Variants in B3GALNT2 observed in about 807,000 individuals in gnomAD.
B3GALNT2 encodes the protein beta-1,3-N-acetylgalactosaminyltransferase 2, also known as UDP-GalNAc:beta-1,3-N-acetylgalactosaminyltransferase 2.
B3GALNT2 carries 53 observed loss-of-function variants against 61.1 expected under a neutral mutation model. The ratio of observed to expected loss-of-function variants is 0.87; its 90% CI spans 0.70 to 1.09. The LOEUF is 1.09. Among genes scored for constraint, B3GALNT2 ranks in the 50% least tolerant of loss-of-function variants. The pLI, the probability that B3GALNT2 is intolerant of heterozygous loss-of-function variation, is 0.00. For missense variants in B3GALNT2, 544 were observed against 623.0 expected (o/e 0.87, Z 1.35); for synonymous variants, 223 against 237.4 (o/e 0.94, Z 0.56).
In B3GALNT2 at chr1:235,465,643, A is replaced by ACT; in HGVS notation, c.833_834insAG (p.Ile279ValfsTer23). Reference sequence around the variant, plus strand: ...TTCAACTAGCAAACTTACCCTGAATAGTATATATAAAACCACCTGCAACTC... The same window carrying ACT: ...TTCAACTAGCAAACTTACCCTGAATACTGTATATATAAAACCACCTGCAACTC... On this transcript the variant is annotated frameshift_variant, in exon 7 of 12. Transcript: ENST00000366600. LOFTEE classifies it high-confidence loss of function. 1 of 1,614,044 alleles carries ACT rather than the reference A, an allele frequency of 6.2e-7. No individual in the cohort carries two copies. Among genetic ancestry groups the ACT allele is most frequent in the Non-Finnish European group, 8.5e-7 (1 of 1,179,966 alleles).
chr1:235,454,099 A>G (rs1683054577), intron 10 of B3GALNT2, 57 bp downstream of exon 10: 5 of 1,485,376 alleles, frequency 3.4e-6, no homozygotes, highest in South Asian at 2.6e-5. Flanking sequence ...TTAGCCTCCC[A>G]AAGTGTTGTG....
In B3GALNT2 at chr1:235,484,334, C is replaced by T; in HGVS notation, c.543G>A (p.Gln181=). ...FQRNITVKLY[Q]AEQEEALFIA... Reference sequence around the variant, plus strand: ...GAGCAGTGCATACCTCTTGTTCTGCCTGATAAAGTTTGACAGTGATGTTCC... The same window carrying T: ...GAGCAGTGCATACCTCTTGTTCTGCTTGATAAAGTTTGACAGTGATGTTCC... The change falls in exon 4 of 12, where the codon CAG becomes CAA. Residue 181 remains glutamine (Q), a synonymous_variant. Transcript: ENST00000366600. 1 of 1,613,818 alleles carries T rather than the reference C, an allele frequency of 6.2e-7. No individual in the cohort carries two copies. Among genetic ancestry groups the T allele is most frequent in the Non-Finnish European group, 8.5e-7 (1 of 1,179,890 alleles).
At chr1:235,465,603 G>C (rs762469201) in intron 7 of B3GALNT2, 33 bp downstream of exon 7, 9 of 1,611,634 alleles carry the variant, frequency 5.6e-6, no homozygotes, top group Admixed American at 1.7e-5. Flanking sequence ...AAGACATTCA[G>C]TGTACTTTTC....
intron 3 of B3GALNT2, among the ~76,000 whole-genome samples, chr1:235,486,560 T>C (rs1684816044): frequency 6.6e-6 from 1 of 152,178 alleles, no homozygotes; most frequent in African/African-American, 2.4e-5. Flanking sequence ...TACCATGACC[T>C]TCAGGTACTG....
At chr1:235,462,582 TTAAAA>T (rs1288781358) in intron 7 of B3GALNT2, among the ~76,000 whole-genome samples, 5 of 152,292 alleles carry the variant, frequency 3.3e-5, no homozygotes, top group African/African-American at 9.6e-5. Context: ...ATGAACAATC[TTAAAA>T]TTAAATTAGA....
In B3GALNT2 at chr1:235,449,643, G is replaced by A. The variant is rs1682770530; in HGVS notation, c.*563C>T. 1 of 152,520 alleles carries A rather than the reference G, an allele frequency of 6.6e-6. No homozygotes were observed. The highest frequency in any genetic ancestry group is 2.4e-5 in the African/African-American group (1 of 41,424). The allele number at this position is 152,520 out of a possible 1,614,324, so 9.4% of individuals were successfully genotyped here. A position where few individuals can be genotyped will look rare whatever the true frequency, so the allele number is the denominator to read the frequency against. ...ATCATATTGGTTCCTCTTCAAGTTA[G>A]TTCAAGTTGCCCACTTCAGAGATCC... On this transcript the variant is annotated 3_prime_UTR_variant, in exon 12 of 12. Coordinates refer to ENST00000366600, the MANE Select transcript of B3GALNT2 (RefSeq NM_152490.5).
At chr1:235,455,255 A>G (rs1160712006) in intron 9 of B3GALNT2, among the ~76,000 whole-genome samples, 1 of 152,006 alleles carries the variant, frequency 6.6e-6, no homozygotes, top group Non-Finnish European at 1.5e-5. Context: ...TCAAGTAGCT[A>G]AGGGCTACAG....
At chr1:235,496,349 G>T (rs1274149037) in intron 1 of B3GALNT2, 2 of 984,594 alleles carry the variant, frequency 2.0e-6, no homozygotes, top group Non-Finnish European at 2.5e-6. Flanking sequence ...TGGAATAGAG[G>T]TATTTATTAT....
At chr1:235,452,651 T>C (rs1446817743) in intron 11 of B3GALNT2, among the ~76,000 whole-genome samples, 3 of 151,820 alleles carry the variant, frequency 2.0e-5, no homozygotes, top group Non-Finnish European at 4.4e-5. Context: ...CAGGCTCAAG[T>C]TGATCCTCCT....
At chr1:235,477,812 G>A (rs527890166) in intron 5 of B3GALNT2, among the ~76,000 whole-genome samples, 7 of 152,344 alleles carry the variant, frequency 4.6e-5, no homozygotes, top group African/African-American at 1.7e-4. Flanking sequence ...CCTCAATCCA[G>A]ATGAGGAGTA....
At chr1:235,484,166 A>C (rs1487222800) in intron 4 of B3GALNT2, among the ~76,000 whole-genome samples, 156 bp downstream of exon 4, 1 of 152,204 alleles carries the variant, frequency 6.6e-6, no homozygotes, top group East Asian at 1.9e-4. Context: ...CTTATATCAC[A>C]CTACAGTGTA....
chr1:235,455,626 C>T lies in B3GALNT2; in HGVS notation c.1084G>A (p.Asp362Asn), dbSNP rs749307091. ...ATCCTATTAAATACAGCTTCGAGGT[C>T]TATGTAACAGTCATCATCTGTCTTC... ...LLKTDDDCYIDLEAVFNRIVQ... is the reference protein window; with the variant it reads ...LLKTDDDCYINLEAVFNRIVQ... Residue 362 changes from aspartate to asparagine, a missense_variant, in exon 9 of 12, where the codon GAC becomes AAC. Transcript: ENST00000366600. The T allele has an allele frequency of 3.7e-6, 6 of 1,604,696 alleles. No homozygotes were observed. Among genetic ancestry groups the T allele is most frequent in the Non-Finnish European group, 4.3e-6 (5 of 1,171,378 alleles).
the B3GALNT2 span, chr1:235,440,782 G>A: frequency 1.3e-5 from 2 of 152,206 alleles, no homozygotes; most frequent in African/African-American, 2.4e-5. Context: ...CTCTCGTCCC[G>A]AGGGCTCGCT....
At chr1:235,458,162 C>T (rs926188879) in intron 8 of B3GALNT2, among the ~76,000 whole-genome samples, 1 of 152,166 alleles carries the variant, frequency 6.6e-6, no homozygotes, top group Admixed American at 6.6e-5. Flanking sequence ...CCTGCCTTGG[C>T]TTCCCAAAGT....
At chr1:235,481,158 T>G (rs1684548700) in intron 4 of B3GALNT2, among the ~76,000 whole-genome samples, 1 of 152,110 alleles carries the variant, frequency 6.6e-6, no homozygotes, top group Non-Finnish European at 1.5e-5. Flanking sequence ...AGCAATGCAG[T>G]ATAAGAATAG....
chr1:235,482,961 C>T (rs764070573), intron 4 of B3GALNT2, among the ~76,000 whole-genome samples: 2 of 152,116 alleles, frequency 1.3e-5, no homozygotes, highest in African/African-American at 2.4e-5. Context: ...TCAGAATAAG[C>T]GTACACAGAT....
chr1:235,446,676 A>C (rs1682338680), downstream of B3GALNT2, among the ~76,000 whole-genome samples: 1 of 151,380 alleles, frequency 6.6e-6, no homozygotes, highest in Admixed American at 6.6e-5. Context: ...TCTTCTATAG[A>C]ACCGGTATGA....
intron 2 of B3GALNT2, among the ~76,000 whole-genome samples, chr1:235,492,499 A>T (rs1448857582): frequency 6.6e-6 from 1 of 152,236 alleles, no homozygotes; most frequent in East Asian, 1.9e-4. Flanking sequence ...AACTATATTC[A>T]TTACATTTGG....
intron 1 of B3GALNT2, among the ~76,000 whole-genome samples, chr1:235,503,830 G>C (rs12563639): frequency 6.6e-6 from 1 of 152,060 alleles, no homozygotes; most frequent in Non-Finnish European, 1.5e-5. Flanking sequence ...GCTCCCGGGC[G>C]AACGGGCGGC....
Sources: allele counts gnomAD v4.1 joint callset (sites outside exome capture counted in the v4.1 genomes callset), GRCh38; gene constraint gnomAD v4.1.1; transcripts MANE v1.5; gene names NCBI Gene and HGNC (gene_info 2026-07-23, HGNC 2026-07-21).